Variants in RBFOX1 observed in about 807,000 individuals in gnomAD.
RBFOX1 encodes the protein RNA binding fox-1 homolog 1, also known as RNA binding protein fox-1 homolog 1.
In RBFOX1, 8 loss-of-function variants were observed where a neutral mutation model predicts 57.7. The observed-to-expected ratio is 0.14, with a 90% CI of 0.08 to 0.25. RBFOX1 has a LOEUF of 0.25. RBFOX1 is among the 10% of genes least tolerant of loss of function. The probability of loss-of-function intolerance (pLI) is 1.00; values close to 1 mark genes in which losing one functional copy is unlikely to be tolerated. For missense variants in RBFOX1, 611 were observed against 548.5 expected (o/e 1.11, Z -1.14); for synonymous variants, 326 against 222.4 (o/e 1.47, Z -4.15).
intron 3 of RBFOX1, among the ~76,000 whole-genome samples, chr16:6,845,919 G>A (rs1278212177): frequency 6.6e-6 from 1 of 152,094 alleles, no homozygotes; most frequent in Non-Finnish European, 1.5e-5. Flanking sequence ...TCTTAAAAAG[G>A]CAAATCTCAA....
At chr16:6,709,093 A>T (rs2063294593) in intron 3 of RBFOX1, among the ~76,000 whole-genome samples, 4 of 152,178 alleles carry the variant, frequency 2.6e-5, no homozygotes, top group Admixed American at 2.6e-4. Flanking sequence ...AGATTATTAA[A>T]ATAATACAGC....
intron 4 of RBFOX1, among the ~76,000 whole-genome samples, chr16:7,511,878 C>T (rs201405039): frequency 5.3e-5 from 6 of 113,072 alleles, no homozygotes; most frequent in African/African-American, 1.4e-4. Flanking sequence ...GGTCTTAAAG[C>T]GTGAGATCTT....
chr16:7,494,260 A>T (rs967550286), intron 4 of RBFOX1, among the ~76,000 whole-genome samples: 1 of 152,198 alleles, frequency 6.6e-6, no homozygotes, highest in Non-Finnish European at 1.5e-5. Context: ...GCATCCCATT[A>T]AATGCTTTTA....
At position 6,211,227 on chromosome 16, in the gene RBFOX1, AC is replaced by A. The variant is rs1197039761; in HGVS notation, c.-126-105767del. Among the ~76,000 whole-genome samples the A allele has an allele frequency of 1.0e-3, 110 of 105,286 alleles. 2 individuals are homozygous for A. Among genetic ancestry groups the A allele is most frequent in the African/African-American group, 3.2e-3 (108 of 34,188 alleles). 69.1% of individuals were successfully genotyped at this position (105,286 alleles called of 152,430 possible). A position where few individuals can be genotyped will look rare whatever the true frequency, so the allele number is the denominator to read the frequency against. ...TTGGTTAGTGCCTGAAATCTAGTTA[AC>A]TTTTTTTTTTTTTTTTTTGGGATGG... On this transcript the variant is annotated intron_variant, in intron 1 of 15. Coordinates refer to ENST00000550418, the MANE Select transcript of RBFOX1 (RefSeq NM_018723.4).
chr16:5,296,777 C>G (rs977365312), intron 1 of RBFOX1, among the ~76,000 whole-genome samples: 8 of 151,606 alleles, frequency 5.3e-5, no homozygotes, highest in African/African-American at 1.9e-4. Context: ...CTCCTGGGTT[C>G]AAGCAATTCT....
At chr16:6,659,763 C>G (rs772846143) in intron 3 of RBFOX1, among the ~76,000 whole-genome samples, 1 of 152,122 alleles carries the variant, frequency 6.6e-6, no homozygotes, top group Non-Finnish European at 1.5e-5. Flanking sequence ...GCCTGCCCTT[C>G]CGGGAAGTAG....
chr16:7,468,473 T>TC (rs1235449959), intron 4 of RBFOX1, among the ~76,000 whole-genome samples: 1 of 151,728 alleles, frequency 6.6e-6, no homozygotes, highest in Non-Finnish European at 1.5e-5. Context: ...TTTTTTTTTT[T>TC]TCCTGGTGAC....
chr16:7,438,216 CAG>C (rs988066461), intron 4 of RBFOX1, among the ~76,000 whole-genome samples: 6 of 152,254 alleles, frequency 3.9e-5, no homozygotes, highest in African/African-American at 1.4e-4. Flanking sequence ...ACAGTGGCTA[CAG>C]AGAGTTCTTC....
intron 4 of RBFOX1, 120 bp downstream of exon 4, chr16:7,052,218 A>T (rs568762859): frequency 1.4e-6 from 2 of 1,405,786 alleles, no homozygotes; most frequent in South Asian, 1.6e-5. Context: ...AGACTGGTAG[A>T]GTTGAAAATA....
intron 5 of RBFOX1, among the ~76,000 whole-genome samples, chr16:7,521,626 A>T (rs183041872): frequency 3.9e-5 from 6 of 152,346 alleles, no homozygotes; most frequent in Non-Finnish European, 5.9e-5. Flanking sequence ...GGAGAGCCTT[A>T]GGAGAATATA....
chr16:6,817,473 T>G (rs148745899), intron 3 of RBFOX1, among the ~76,000 whole-genome samples: 3,693 of 150,188 alleles, frequency 0.025, 74 homozygotes, highest in Non-Finnish European at 0.042. Context: ...GCAGGCAGAT[T>G]GGTTGAGGTC....
intron 3 of RBFOX1, among the ~76,000 whole-genome samples, chr16:6,743,117 T>G (rs1290727800): frequency 2.0e-5 from 3 of 152,190 alleles, no homozygotes; most frequent in Admixed American, 6.5e-5. Flanking sequence ...TCAAAATAAG[T>G]TATAAAGATT....
chr16:6,378,772 T>C (rs1041643986), intron 2 of RBFOX1, among the ~76,000 whole-genome samples: 73 of 152,312 alleles, frequency 4.8e-4, no homozygotes, highest in African/African-American at 1.6e-3. Flanking sequence ...ATTTCCCTCA[T>C]TGCTATTATC....
intron 4 of RBFOX1, among the ~76,000 whole-genome samples, chr16:7,358,064 C>T (rs1032724938): frequency 2.0e-5 from 3 of 152,192 alleles, no homozygotes; most frequent in Non-Finnish European, 1.5e-5. Flanking sequence ...AGAAGCAGAA[C>T]AGTGAATAGG....
chr16:7,241,740 C>G (rs768369297), intron 4 of RBFOX1, among the ~76,000 whole-genome samples: 1 of 151,960 alleles, frequency 6.6e-6, no homozygotes, highest in African/African-American at 2.4e-5. Context: ...TACACAAACA[C>G]ACACACATGC....
In RBFOX1 at chr16:7,396,243, T is replaced by C. The variant is rs1401731195; in HGVS notation, c.28-121904T>C. Among the ~76,000 whole-genome samples the C allele has an allele frequency of 1.4e-4, 22 of 152,284 alleles. No individual in the cohort carries two copies. The South Asian group carries it at 4.4e-3, about 30-fold the overall frequency. ...GCAAGGCTGTGGCAGTACAACTGTC[T>C]ACCTGTCTACACCGGCTGCTCCTTC... On this transcript the variant is annotated intron_variant, in intron 4 of 15. Coordinates refer to ENST00000550418, the MANE Select transcript of RBFOX1 (RefSeq NM_018723.4).
chr16:7,501,953 C>A (rs946400220), intron 4 of RBFOX1, among the ~76,000 whole-genome samples: 3 of 152,206 alleles, frequency 2.0e-5, no homozygotes, highest in African/African-American at 7.2e-5. Context: ...TGACATCCAA[C>A]AGATACTCAA....
At chr16:6,650,732 C>T (rs967398571) in intron 2 of RBFOX1, among the ~76,000 whole-genome samples, 3 of 152,162 alleles carry the variant, frequency 2.0e-5, no homozygotes, top group Non-Finnish European at 2.9e-5. Context: ...ACTCTGGATT[C>T]AAAGGGACCT....
intron 1 of RBFOX1, among the ~76,000 whole-genome samples, chr16:6,219,710 A>C (rs2097359467): frequency 1.3e-5 from 2 of 152,086 alleles, no homozygotes; most frequent in Admixed American, 1.3e-4. Flanking sequence ...ACCTGTCTCT[A>C]CTAAAAATAG....
Sources: gnomAD v4.1 joint callset for allele counts (sites outside exome capture counted in the v4.1 genomes callset) on GRCh38, gnomAD v4.1.1 for gene constraint, MANE v1.5 for transcripts, NCBI Gene and HGNC (gene_info 2026-07-23, HGNC 2026-07-21) for gene names.